SYNE2: variants seen among roughly 807,000 people sequenced by gnomAD.
The protein encoded by SYNE2 is nesprin-2.
In SYNE2, 431 loss-of-function variants were observed where a neutral mutation model predicts 856.3. The ratio of observed to expected loss-of-function variants is 0.50; its 90% CI spans 0.47 to 0.55. The LOEUF is 0.55. Among genes scored for constraint, SYNE2 ranks in the 20% least tolerant of loss-of-function variants. The probability of loss-of-function intolerance (pLI) is 0.00; values close to 1 mark genes in which losing one functional copy is unlikely to be tolerated. For missense variants in SYNE2, 8,129 were observed against 8,023.2 expected, an observed-to-expected ratio of 1.01 and a Z score of -0.50; for synonymous variants, 2,923 against 2,872.3, an observed-to-expected ratio of 1.02 and a Z score of -0.56.
intron 1 of SYNE2, among the ~76,000 whole-genome samples, chr14:63,783,069 A>C (rs952537471): frequency 3.3e-5 from 5 of 152,080 alleles, no homozygotes; most frequent in Non-Finnish European, 7.4e-5. Context: ...CACCACTCAA[A>C]ATCTCATCTT....
At chr14:64,064,173 T>C (rs1237460964) in intron 50 of SYNE2, among the ~76,000 whole-genome samples, 1 of 152,178 alleles carries the variant, frequency 6.6e-6, no homozygotes, top group African/African-American at 2.4e-5. Flanking sequence ...TGAAATGATA[T>C]AGCCATGGTG....
chr14:64,202,774 G>A (rs549487945), intron 99 of SYNE2, 27 bp from the exon 100 acceptor site: 20 of 1,610,394 alleles, frequency 1.2e-5, no homozygotes, highest in East Asian at 2.2e-5. Context: ...TTTTTGTTTC[G>A]TTTTGTTTTT....
chr14:64,010,596 A>T (rs546423411), intron 32 of SYNE2, among the ~76,000 whole-genome samples: 2 of 152,252 alleles, frequency 1.3e-5, no homozygotes, highest in African/African-American at 4.8e-5. Flanking sequence ...ATATTTTTGG[A>T]CACTAGGTGT....
chr14:64,082,289 A>T (rs1288822875), intron 57 of SYNE2, among the ~76,000 whole-genome samples: 1 of 152,162 alleles, frequency 6.6e-6, no homozygotes, highest in Non-Finnish European at 1.5e-5. Flanking sequence ...AGTCACTCCC[A>T]TAAGTACTTG....
chr14:64,123,760 G>T (rs1245222317), intron 70 of SYNE2, among the ~76,000 whole-genome samples: 2 of 152,138 alleles, frequency 1.3e-5, no homozygotes, highest in African/African-American at 2.4e-5. Context: ...CCTTAGAAGA[G>T]ACTTGAATTC....
rs200668860 is a variant in SYNE2, at chr14:64,031,193, A to G, written c.7057A>G (p.Met2353Val). ...ENRLASAKQEMECCLNSILKS... is the reference protein window; with the variant it reads ...ENRLASAKQEVECCLNSILKS... ...CAGGCTTGCATCTGCTAAGCAGGAGATGGAATGTTGTCTCAACAGCATTCT... is the reference window on the plus strand; with the variant it reads ...CAGGCTTGCATCTGCTAAGCAGGAGGTGGAATGTTGTCTCAACAGCATTCT... The change falls in exon 45 of 116, where the codon ATG (methionine) becomes GTG (valine). Residue 2353 changes from methionine (M) to valine (V), a missense_variant. This residue lies in a region of SYNE2 where 297 missense variants were observed against 380.9 expected (regional missense o/e 0.78). Transcript: ENST00000555002. The G allele has an allele frequency of 1.2e-6, 2 of 1,614,222 alleles. No individual in the cohort carries two copies. Among genetic ancestry groups the G allele is most frequent in the Non-Finnish European group, 1.7e-6 (2 of 1,180,034 alleles).
intron 45 of SYNE2, among the ~76,000 whole-genome samples, chr14:64,040,604 A>G (rs2097141054): frequency 6.8e-6 from 1 of 146,520 alleles, no homozygotes; most frequent in Non-Finnish European, 1.5e-5. Context: ...AAAAATATAT[A>G]TATATATATA....
chr14:64,023,276 CT>C (rs1798822718), intron 38 of SYNE2: 1 of 167,160 alleles, frequency 6.0e-6, no homozygotes, highest in Admixed American at 5.9e-5. Context: ...GTAATAAGTA[CT>C]TTGACTTACT....
At chr14:63,959,287 C>CTTTTTTTT (rs34198434) in intron 8 of SYNE2, among the ~76,000 whole-genome samples, 56 of 81,372 alleles carry the variant, frequency 6.9e-4, no homozygotes, top group Non-Finnish European at 8.6e-4. Flanking sequence ...TTTTCTTCTT[C>CTTTTTTTT]TTTTTTTTTT....
Position 64,024,915 on chromosome 14 carries a change from C to T in SYNE2, c.5844C>T (p.Leu1948=). 3 of 1,613,730 alleles carry T rather than the reference C, an allele frequency of 1.9e-6. No individual in the cohort carries two copies. Among genetic ancestry groups the T allele is most frequent in the Non-Finnish European group, 2.5e-6 (3 of 1,179,842 alleles). The part of the protein sequence containing the change: ...LEDSLQQLLR[L]QDDHRNLRKW... ...AACATGTGTAATGCTCTTTTAGACT[C>T]CAGGATGACCATAGAAACCTGAGGA... The change falls in exon 40 of 116, where the codon CTC becomes CTT. Residue 1948 remains leucine (L), a synonymous_variant. Coordinates refer to ENST00000555002, the MANE Select transcript of SYNE2 (RefSeq NM_182914.3).
intron 79 of SYNE2, among the ~76,000 whole-genome samples, 195 bp downstream of exon 79, chr14:64,138,178 GT>G (rs2098111629): frequency 6.6e-6 from 1 of 152,226 alleles, no homozygotes; most frequent in East Asian, 1.9e-4. Flanking sequence ...AGTATAACAT[GT>G]AATCAGTTTG....
chr14:64,176,987 G>A (rs762302428), intron 95 of SYNE2, among the ~76,000 whole-genome samples: 14 of 151,978 alleles, frequency 9.2e-5, no homozygotes, highest in South Asian at 6.2e-4. Context: ...TAGTGGAGAC[G>A]GAGTTTCGCC....
chr14:63,982,556 G>T (rs572887144), intron 16 of SYNE2, 74 bp from the exon 17 acceptor site: 20 of 1,380,560 alleles, frequency 1.4e-5, no homozygotes, highest in Admixed American at 2.0e-5. Flanking sequence ...AAAAGCCTTG[G>T]TGAACATTGA....
chr14:63,856,862 C>T (rs952556136), intron 1 of SYNE2, among the ~76,000 whole-genome samples: 1 of 152,178 alleles, frequency 6.6e-6, no homozygotes, highest in Non-Finnish European at 1.5e-5. Flanking sequence ...GCCTCTACCT[C>T]CTGGGCCCAA....
At chr14:64,100,197 G>GA (rs1160868926) in intron 63 of SYNE2, 2 of 151,892 alleles carry the variant, frequency 1.3e-5, no homozygotes, top group African/African-American at 2.4e-5. Context: ...GGATGAAATT[G>GA]AAAATCATCA....
chr14:64,009,617 A>T (rs1481846014), intron 31 of SYNE2, among the ~76,000 whole-genome samples: 1 of 151,678 alleles, frequency 6.6e-6, no homozygotes, highest in South Asian at 2.1e-4. Flanking sequence ...ATAATCTGCC[A>T]GAGTTATGTT....
In SYNE2 at chr14:64,052,943, A is replaced by G; in HGVS notation, c.9030A>G (p.Leu3010=). The change falls in exon 48 of 116, where the codon CTA becomes CTG. Residue 3010 remains leucine (L), a synonymous_variant. Coordinates refer to ENST00000555002, the MANE Select transcript of SYNE2 (RefSeq NM_182914.3). ...KLKKVFDYIG[L]NWDFSQLDQL... ...AAAAAGTGTTTGACTATATTGGACTAAACTGGGATTTTTCACAACTTGACC... is the reference window on the plus strand; with the variant it reads ...AAAAAGTGTTTGACTATATTGGACTGAACTGGGATTTTTCACAACTTGACC... 2 of 1,611,214 alleles carry G rather than the reference A, an allele frequency of 1.2e-6. No individual in the cohort carries two copies. Among genetic ancestry groups the G allele is most frequent in the Non-Finnish European group, 1.7e-6 (2 of 1,179,384 alleles).
At chr14:64,084,722 C>T (rs147505623) in intron 57 of SYNE2, 58 of 475,768 alleles carry the variant, frequency 1.2e-4, no homozygotes, top group African/African-American at 1.0e-3. Flanking sequence ...TAACATATTA[C>T]TCCATAAGTT....
intron 99 of SYNE2, among the ~76,000 whole-genome samples, chr14:64,198,640 C>G (rs1034112354): frequency 6.6e-6 from 1 of 152,158 alleles, no homozygotes; most frequent in African/African-American, 2.4e-5. Flanking sequence ...TCCCACCTTC[C>G]CCCCCTCTTT....
Sources: gnomAD v4.1 joint callset for allele counts (sites outside exome capture counted in the v4.1 genomes callset) on GRCh38, gnomAD v4.1.1 for gene constraint, gnomAD v4.1.1 regional missense constraint, MANE v1.5 for transcripts, NCBI Gene and HGNC (gene_info 2026-07-23, HGNC 2026-07-21) for gene names.